The following INSL6 variants were observed in gnomAD, a reference collection of about 807,000 sequenced individuals.
INSL6 encodes insulin like 6, also known as insulin-like peptide INSL6.
In INSL6, 16 loss-of-function variants were observed where a neutral mutation model predicts 9.4. That is an observed-to-expected ratio of 1.70 (90% confidence interval 1.15 to 2.59). The LOEUF (loss-of-function observed/expected upper bound fraction) is 2.59. INSL6 is among the 30% of genes most tolerant of loss of function. INSL6 has a pLI of 0.00. For synonymous variants in INSL6, 154 were observed against 96.9 expected (o/e 1.59, Z -3.46); for missense variants, 391 against 257.3 (o/e 1.52, Z -3.56).
At chr9:5,097,556 C>G in the INSL6 span, 1 of 152,032 alleles carries the variant, frequency 6.6e-6, no homozygotes, top group Admixed American at 6.5e-5. Flanking sequence ...GACATAGACA[C>G]AGACACATGA....
chr9:5,170,115 C>T (rs757982143), intron 1 of INSL6, among the ~76,000 whole-genome samples: 1 of 152,144 alleles, frequency 6.6e-6, no homozygotes, highest in South Asian at 2.1e-4. Context: ...AAACACTCCT[C>T]AGCAAATGCA....
chr9:5,071,733 A>G, the INSL6 span, among the ~76,000 whole-genome samples: 16 of 152,214 alleles, frequency 1.1e-4, no homozygotes, highest in Admixed American at 7.2e-4. Context: ...AGAATTAGCC[A>G]GAATGGTAAA....
the INSL6 span, among the ~76,000 whole-genome samples, chr9:5,093,876 G>C: frequency 2.0e-3 from 302 of 152,218 alleles, no homozygotes; most frequent in African/African-American, 7.1e-3. Context: ...TTTCAGACCA[G>C]AGTAATCCAG....
At chr9:5,169,546 G>A (rs1586874155) in intron 1 of INSL6, among the ~76,000 whole-genome samples, 1 of 152,060 alleles carries the variant, frequency 6.6e-6, no homozygotes, top group Non-Finnish European at 1.5e-5. Context: ...AATGTAAATG[G>A]GCTAATCCCC....
the INSL6 span, chr9:5,068,949 C>T: frequency 1.2e-6 from 1 of 827,768 alleles, no homozygotes. Context: ...CTTGTGATAT[C>T]ATTTTGTCAG....
intron 1 of INSL6, among the ~76,000 whole-genome samples, chr9:5,171,633 T>C (rs975423415): frequency 6.6e-6 from 1 of 152,132 alleles, no homozygotes; most frequent in African/African-American, 2.4e-5. Context: ...GATAAGCAAA[T>C]TCAGCAAAGT....
At chr9:5,070,406 A>C in the INSL6 span, among the ~76,000 whole-genome samples, 6 of 152,104 alleles carry the variant, frequency 3.9e-5, no homozygotes, top group African/African-American at 1.2e-4. Context: ...CTGAGAAAAA[A>C]ATCCAGCCAT....
the INSL6 span, among the ~76,000 whole-genome samples, chr9:5,021,150 C>A: frequency 1.3e-5 from 2 of 152,166 alleles, no homozygotes; most frequent in Non-Finnish European, 2.9e-5. Context: ...TCTGGCTGAT[C>A]CTGGCTGAGC....
chr9:5,077,561 C>T, the INSL6 span: 4 of 1,486,090 alleles, frequency 2.7e-6, no homozygotes, highest in South Asian at 1.5e-5. Flanking sequence ...AAACAGTTGG[C>T]ATGGGCCATG....
intron 2 of INSL6, among the ~76,000 whole-genome samples, chr9:5,153,214 G>A (rs937691857): frequency 6.6e-6 from 1 of 152,092 alleles, no homozygotes; most frequent in Non-Finnish European, 1.5e-5. Context: ...CCTGAAAAGG[G>A]GGCTGAAGCC....
chr9:5,090,587 T>G, the INSL6 span: 3 of 1,554,134 alleles, frequency 1.9e-6, no homozygotes, highest in Non-Finnish European at 2.6e-6. Context: ...AATATCCTGA[T>G]TATTTGCTGT....
At chr9:5,034,033 G>A in the INSL6 span, among the ~76,000 whole-genome samples, 2 of 152,100 alleles carry the variant, frequency 1.3e-5, no homozygotes, top group South Asian at 2.1e-4. Context: ...TCAAAATAAA[G>A]GGATGGAGGA....
At chr9:5,149,511 A>G (rs907628658) in intron 2 of INSL6, among the ~76,000 whole-genome samples, 6 of 152,214 alleles carry the variant, frequency 3.9e-5, no homozygotes, top group African/African-American at 1.4e-4. Flanking sequence ...ACAAAGAAAA[A>G]TACCTACAAA....
At chr9:5,081,674 C>A in the INSL6 span, 1 of 1,358,656 alleles carries the variant, frequency 7.4e-7, no homozygotes, top group Non-Finnish European at 1.0e-6. Context: ...CAGTTTAGTC[C>A]AGAGAATGTT....
intron 3 of INSL6, chr9:5,127,295 A>T (rs879865205): frequency 5.6e-5 from 13 of 232,266 alleles, no homozygotes; most frequent in Non-Finnish European, 1.1e-4. Context: ...CTATACAAAC[A>T]AATTAAGATG....
intron 1 of INSL6, among the ~76,000 whole-genome samples, chr9:5,176,971 G>A (rs952567263): frequency 6.6e-6 from 1 of 152,124 alleles, no homozygotes; most frequent in African/African-American, 2.4e-5. Context: ...CAATGATACT[G>A]TAAAAGTTTC....
chr9:5,167,273 G>A (rs1479180457), intron 1 of INSL6, among the ~76,000 whole-genome samples: 1 of 152,214 alleles, frequency 6.6e-6, no homozygotes, highest in African/African-American at 2.4e-5. Flanking sequence ...GTCCCCTCAT[G>A]AGCCCATGCC....
At chr9:5,011,625 G>C in the INSL6 span, among the ~76,000 whole-genome samples, 6 of 152,162 alleles carry the variant, frequency 3.9e-5, no homozygotes, top group Middle Eastern at 6.8e-3. Flanking sequence ...ATTTGGGTCT[G>C]CTTTGGGTCC....
At position 5,185,375 on chromosome 9, in the gene INSL6, G is replaced by T; in HGVS notation, c.228C>A (p.Ser76Arg). ...TTTGCGGGCTTTCGAACTGGTATGG[G>T]CTGTAGGCTTCGACCTTCTCCGAGG... ...AQASEKVEAY[S>R]PYQFESPQTA... is the part of the protein sequence containing the mutation. Residue 76 changes from serine (S) to arginine (R), a missense_variant, in exon 1 of 2, where the codon AGC becomes AGA. Coordinates refer to ENST00000381641, the MANE Select transcript of INSL6 (RefSeq NM_007179.3). 6.2e-7 allele frequency: 1 copy of T among 1,614,126 alleles called. No homozygotes were observed. The highest frequency in any genetic ancestry group is 8.5e-7 in the Non-Finnish European group (1 of 1,179,998).
Sources: allele counts gnomAD v4.1 joint callset (sites outside exome capture counted in the v4.1 genomes callset), GRCh38; gene constraint gnomAD v4.1.1; transcripts MANE v1.5; gene names NCBI Gene and HGNC (gene_info 2026-07-23, HGNC 2026-07-21).